PHTF2: variants seen among roughly 807,000 people sequenced by gnomAD.
PHTF2 encodes the protein putative homeodomain transcription factor 2, also known as protein PHTF2.
In PHTF2, 60 loss-of-function variants were observed where a neutral mutation model predicts 101.2. The observed-to-expected ratio is 0.59, with a 90% CI of 0.48 to 0.73. The LOEUF is 0.73. Among genes scored for constraint, PHTF2 ranks in the 30% least tolerant of loss-of-function variants. PHTF2 has a pLI of 0.00. For synonymous variants in PHTF2, 311 were observed against 307.3 expected, an observed-to-expected ratio of 1.01 and a Z score of -0.13; for missense variants, 747 against 908.7, an observed-to-expected ratio of 0.82 and a Z score of 2.29.
intron 5 of PHTF2, among the ~76,000 whole-genome samples, chr7:77,897,185 C>G (rs1800945584): frequency 6.6e-6 from 1 of 151,536 alleles, no homozygotes; most frequent in South Asian, 2.1e-4. Flanking sequence ...AACAAGATTT[C>G]TAGAAAATGA....
chr7:77,840,335 T>C, intron 2 of PHTF2, 35 bp downstream of exon 2: 1 of 1,361,858 alleles, frequency 7.3e-7, no homozygotes, highest in Non-Finnish European at 1.1e-6. Context: ...GCTTTCTAAA[T>C]GTTTGAATTT....
At chr7:77,901,613 A>C (rs1165263176) in intron 6 of PHTF2, 149 bp from the exon 6 acceptor site, 4 of 399,430 alleles carry the variant, frequency 1.0e-5, no homozygotes, top group African/African-American at 2.1e-5. Context: ...AAATATTTAA[A>C]GTATCTATAA....
intron 16 of PHTF2, among the ~76,000 whole-genome samples, chr7:77,946,008 C>T (rs1197191792): frequency 2.6e-5 from 4 of 152,048 alleles, no homozygotes; most frequent in Non-Finnish European, 5.9e-5. Flanking sequence ...TACCATAGAG[C>T]TAGTATGAAA....
chr7:77,874,146 G>A (rs564644552), intron 3 of PHTF2, among the ~76,000 whole-genome samples: 13 of 152,164 alleles, frequency 8.5e-5, no homozygotes, highest in Admixed American at 2.0e-4. Context: ...CATGAGTGAT[G>A]AATCAGGAGT....
chr7:77,940,579 C>G, exon 15 of PHTF2: 2 of 1,606,884 alleles, frequency 1.2e-6, no homozygotes, highest in Non-Finnish European at 1.7e-6. Context: ...AAGGAGGGCT[C>G]GAAAATCTGA....
chr7:77,845,831 A>G (rs1416053982), intron 2 of PHTF2, among the ~76,000 whole-genome samples: 1 of 152,328 alleles, frequency 6.6e-6, no homozygotes, highest in East Asian at 1.9e-4. Flanking sequence ...CGCAGGTAAG[A>G]CAAATCTAAC....
In PHTF2 at chr7:77,809,167, A is replaced by T. The variant is rs537677036; in HGVS notation, c.-36+10196A>T. On this transcript the variant is annotated intron_variant, in intron 1 of 19. Transcript: ENST00000416283. ...TCCCTTGAAAGAAATGTAGGCATGTATGATGAGTTAAAAGGTAAGCAAATA... is the reference window on the plus strand; with the variant it reads ...TCCCTTGAAAGAAATGTAGGCATGTTTGATGAGTTAAAAGGTAAGCAAATA... Among the ~76,000 whole-genome samples the T allele has an allele frequency of 2.0e-5, 3 of 150,516 alleles. No homozygotes were observed. The South Asian group carries it at 6.4e-4, about 32-fold the overall frequency.
intron 2 of PHTF2, among the ~76,000 whole-genome samples, chr7:77,848,699 T>C (rs978940356): frequency 2.0e-5 from 3 of 152,166 alleles, no homozygotes; most frequent in African/African-American, 4.8e-5. Flanking sequence ...TGCAGAAGCT[T>C]TTTAACTTGG....
At chr7:77,932,131 A>G (rs770150119) in intron 12 of PHTF2, among the ~76,000 whole-genome samples, 2 of 152,210 alleles carry the variant, frequency 1.3e-5, no homozygotes, top group Non-Finnish European at 2.9e-5. Flanking sequence ...AAGGATGGCT[A>G]TGAATGTTTA....
chr7:77,888,503 G>A (rs1424906307), intron 3 of PHTF2, among the ~76,000 whole-genome samples: 1 of 152,102 alleles, frequency 6.6e-6, no homozygotes. Flanking sequence ...CACAAACACT[G>A]GAGGCATTGG....
intron 1 of PHTF2, among the ~76,000 whole-genome samples, chr7:77,837,421 A>C (rs145159681): frequency 6.6e-6 from 1 of 152,308 alleles, no homozygotes; most frequent in East Asian, 1.9e-4. Flanking sequence ...GGTATCTTTG[A>C]GTGCTTTGTC....
chr7:77,841,182 C>T lies in PHTF2; in HGVS notation c.45+882C>T, dbSNP rs552330928. The stretch of plus-strand genomic sequence containing the variant: ...GCAACCTCTGCCTCCTGGGTTCAAG[C>T]GATTCTCTTGTCTCAGCCTCCCAAG... On this transcript the variant is annotated intron_variant, in intron 2 of 19. Coordinates refer to ENST00000416283, the Ensembl canonical transcript of PHTF2. Among the ~76,000 whole-genome samples the T allele has an allele frequency of 1.8e-4, 25 of 142,098 alleles. No homozygotes were observed. In the South Asian group the frequency reaches 5.4e-3, roughly 31 times the overall value. 93.2% of individuals were successfully genotyped at this position (142,098 alleles called of 152,430 possible).
chr7:77,931,215 G>T (rs962759749), intron 12 of PHTF2, among the ~76,000 whole-genome samples: 9 of 152,110 alleles, frequency 5.9e-5, no homozygotes, highest in South Asian at 2.1e-4. Context: ...GGTTAGAGAA[G>T]AATTTTTAAA....
intron 1 of PHTF2, among the ~76,000 whole-genome samples, chr7:77,823,457 G>T (rs1180143186): frequency 6.6e-6 from 1 of 152,156 alleles, no homozygotes; most frequent in East Asian, 1.9e-4. Flanking sequence ...TTGACCTCGT[G>T]ATCCACCCAT....
intron 3 of PHTF2, among the ~76,000 whole-genome samples, chr7:77,878,236 G>T (rs551660533): frequency 6.6e-6 from 1 of 152,090 alleles, no homozygotes; most frequent in East Asian, 1.9e-4. Context: ...CAAGCAGTGG[G>T]CTAGGGAATA....
chr7:77,823,052 C>A, intron 1 of PHTF2, among the ~76,000 whole-genome samples: 1 of 147,534 alleles, frequency 6.8e-6, no homozygotes, highest in Non-Finnish European at 1.5e-5. Context: ...CTACAGGCGC[C>A]CGCTACCACG....
chr7:77,810,690 A>C (rs1451173988), intron 1 of PHTF2, among the ~76,000 whole-genome samples: 1 of 150,472 alleles, frequency 6.6e-6, no homozygotes, highest in Admixed American at 6.6e-5. Context: ...GGCACGTACC[A>C]CTGCACCTGG....
chr7:77,943,827 G>T (rs1479367100), intron 16 of PHTF2, among the ~76,000 whole-genome samples: 1 of 151,874 alleles, frequency 6.6e-6, no homozygotes, highest in East Asian at 1.9e-4. Flanking sequence ...AGACCAGCCC[G>T]ACCAACATGG....
chr7:77,954,861 T>C, exon 20 of PHTF2: 1 of 1,512,134 alleles, frequency 6.6e-7, no homozygotes. Context: ...TTTCTAGCTA[T>C]GGAAGATTAA....
Sources: allele counts gnomAD v4.1 joint callset (sites outside exome capture counted in the v4.1 genomes callset), GRCh38; gene constraint gnomAD v4.1.1; transcripts MANE v1.5; gene names NCBI Gene and HGNC (gene_info 2026-07-23, HGNC 2026-07-21).